The following SAXO1 variants were observed in gnomAD, a reference collection of about 807,000 sequenced individuals.
SAXO1 encodes the protein stabilizer of axonemal microtubules 1, also known as 4930500O09Rik.
Under a neutral mutation model 17.5 loss-of-function variants are expected in SAXO1, and 21 were observed. That is an observed-to-expected ratio of 1.20 (90% CI 0.85 to 1.72). The LOEUF is 1.72. SAXO1 is among the 40% of genes most tolerant of loss of function. The probability of loss-of-function intolerance (pLI) is 0.00; values close to 1 mark genes in which losing one functional copy is unlikely to be tolerated. For missense variants in SAXO1, 843 were observed against 596.0 expected (o/e 1.41, Z -4.32); for synonymous variants, 274 against 216.5 (o/e 1.27, Z -2.33).
At chr9:18,970,674 C>T (rs1832913082) in intron 1 of SAXO1, among the ~76,000 whole-genome samples, 1 of 152,072 alleles carries the variant, frequency 6.6e-6, no homozygotes, top group East Asian at 1.9e-4. Context: ...GCCAAAAGGC[C>T]CAAAGGACTA....
At chr9:18,967,963 C>T (rs571645124) in intron 1 of SAXO1, among the ~76,000 whole-genome samples, 78 of 152,298 alleles carry the variant, frequency 5.1e-4, no homozygotes, top group Admixed American at 1.6e-3. Context: ...CTGTCCTTCA[C>T]GACACAGTCC....
chr9:18,975,596 C>G (rs1020905001), intron 1 of SAXO1, among the ~76,000 whole-genome samples: 3 of 152,136 alleles, frequency 2.0e-5, no homozygotes, highest in Non-Finnish European at 4.4e-5. Flanking sequence ...GTCAATTGAT[C>G]AAAGGATAAA....
chr9:18,981,761 GAATAAAA>G (rs1026450943), intron 1 of SAXO1, among the ~76,000 whole-genome samples: 8 of 152,070 alleles, frequency 5.3e-5, no homozygotes, highest in African/African-American at 1.9e-4. Flanking sequence ...CCTCACAAGT[GAATAAAA>G]AATAAAAAAC....
intron 3 of SAXO1, among the ~76,000 whole-genome samples, chr9:18,931,335 A>G (rs755465661): frequency 1.3e-5 from 2 of 152,182 alleles, no homozygotes; most frequent in Non-Finnish European, 2.9e-5. Context: ...TCCATAATGT[A>G]GCCTGTATCA....
chr9:19,019,815 A>T (rs1199089730), intron 1 of SAXO1, among the ~76,000 whole-genome samples: 2 of 152,150 alleles, frequency 1.3e-5, no homozygotes, highest in South Asian at 4.2e-4. Context: ...TATTGACCCC[A>T]AATCCACTTT....
At chr9:18,987,189 T>C (rs561861740) in intron 1 of SAXO1, among the ~76,000 whole-genome samples, 12 of 152,330 alleles carry the variant, frequency 7.9e-5, no homozygotes, top group Middle Eastern at 3.4e-3. Flanking sequence ...ATGATTTCAT[T>C]GCTATAGAAG....
chr9:19,000,028 T>G (rs1834187966), intron 1 of SAXO1, among the ~76,000 whole-genome samples: 1 of 146,224 alleles, frequency 6.8e-6, no homozygotes, highest in East Asian at 2.1e-4. Flanking sequence ...GTCTGGGAAG[T>G]GAGGAGCGCC....
intron 1 of SAXO1, among the ~76,000 whole-genome samples, chr9:19,016,699 C>G (rs1385605231): frequency 1.3e-5 from 2 of 151,958 alleles, no homozygotes; most frequent in Non-Finnish European, 2.9e-5. Flanking sequence ...AGAAACCCTG[C>G]TCTAACCTAA....
At chr9:18,933,873 T>C (rs35599549) in intron 3 of SAXO1, among the ~76,000 whole-genome samples, 25,835 of 152,028 alleles carry the variant, frequency 0.17, 2,437 homozygotes, top group Middle Eastern at 0.25. Flanking sequence ...GGTGAAACCC[T>C]GTCTCTACTA....
intron 1 of SAXO1, among the ~76,000 whole-genome samples, chr9:19,003,413 C>T (rs1437274671): frequency 6.6e-6 from 1 of 152,042 alleles, no homozygotes; most frequent in African/African-American, 2.4e-5. Flanking sequence ...CATATGGAAC[C>T]AAAAAAGAGC....
intron 1 of SAXO1, among the ~76,000 whole-genome samples, chr9:18,977,983 G>A (rs1252811662): frequency 1.6e-5 from 2 of 124,618 alleles, no homozygotes; most frequent in African/African-American, 6.2e-5. Context: ...GTAAGAGAAT[G>A]AGACCCTGCC....
chr9:19,027,097 C>A (rs1563990438), intron 1 of SAXO1: 1 of 911,482 alleles, frequency 1.1e-6, no homozygotes, highest in Non-Finnish European at 1.8e-6. Flanking sequence ...GTGAACAAAA[C>A]CCTGGTGTAC....
At chr9:19,030,992 G>T (rs1321519920) in intron 1 of SAXO1, among the ~76,000 whole-genome samples, 1 of 152,176 alleles carries the variant, frequency 6.6e-6, no homozygotes, top group Admixed American at 6.5e-5. Context: ...AGAAGAAAAG[G>T]AGAAGAGACA....
chr9:18,985,908 CAAAG>C (rs1279496595), intron 1 of SAXO1, among the ~76,000 whole-genome samples: 1 of 152,148 alleles, frequency 6.6e-6, no homozygotes, highest in African/African-American at 2.4e-5. Flanking sequence ...ATAAATTAAA[CAAAG>C]TTTATTTTCA....
rs913164752 is a variant in SAXO1, at chr9:18,938,834, G to GTGTGTGTA, written c.421+2802_421+2803insTACACACA. On this transcript the variant is annotated intron_variant, in intron 3 of 3. Transcript: ENST00000380534. ...CATGCGTGCGTGCGTGTGTGTGTGTGTGTGTGTGTGTGTGTGTGTATGTGT... is the reference window on the plus strand; with the variant it reads ...CATGCGTGCGTGCGTGTGTGTGTGTGTGTGTGTATGTGTGTGTGTGTGTGTGTATGTGT... 9.1e-4 allele frequency among the ~76,000 whole-genome samples: 137 copies of GTGTGTGTA among 150,272 alleles called. 1 individual carries two copies. The highest frequency in any genetic ancestry group is 4.7e-3 in the East Asian group (24 of 5,126).
At position 19,033,027 on chromosome 9, in the gene SAXO1, T is replaced by C; in HGVS notation, c.-119A>G. 4 of 1,087,700 alleles carry C rather than the reference T, an allele frequency of 3.7e-6. No individual in the cohort carries two copies. Among genetic ancestry groups the C allele is most frequent in the Non-Finnish European group, 5.0e-6 (4 of 794,796 alleles). 67.4% of individuals were successfully genotyped at this position (1,087,700 alleles called of 1,614,324 possible). A position where few individuals can be genotyped will look rare whatever the true frequency, so the allele number is the denominator to read the frequency against. ...CTCGAGGGTCTTGGCAGGTGTTCTG[T>C]TTACTCGAAGGAAAATTTAAGTGGC... On this transcript the variant is annotated 5_prime_UTR_variant, in exon 1 of 4. Transcript: ENST00000380534.
chr9:19,018,050 C>T (rs548320365), intron 1 of SAXO1, among the ~76,000 whole-genome samples: 1 of 152,094 alleles, frequency 6.6e-6, no homozygotes, highest in East Asian at 1.9e-4. Flanking sequence ...CACCTGTAGT[C>T]TCAGCTACCT....
At position 19,038,439 on chromosome 9, in the gene SAXO1, G is replaced by A. The variant is rs541570431; in HGVS notation, c.-158+10770C>T. Among the ~76,000 whole-genome samples, 145 of 151,996 alleles carry A rather than the reference G, an allele frequency of 9.5e-4. 1 individual carries two copies. Among genetic ancestry groups the A allele is most frequent in the Non-Finnish European group, 1.5e-3 (99 of 67,992 alleles). On this transcript the variant is annotated intron_variant, in intron 1 of 3. Coordinates refer to the SAXO1 transcript ENST00000542071. ...ATACTATGCAGCCATAAAAAATGAT[G>A]AGCTCATGTCCTTTGTAGGGACATG... is the stretch of plus-strand genomic sequence containing the variant.
At chr9:18,958,729 G>C (rs938787416) in intron 1 of SAXO1, among the ~76,000 whole-genome samples, 44 of 151,958 alleles carry the variant, frequency 2.9e-4, no homozygotes, top group African/African-American at 1.1e-3. Flanking sequence ...TATCTGTGCA[G>C]GAAGGGAAAG....
Sources: gnomAD v4.1 joint callset for allele counts (sites outside exome capture counted in the v4.1 genomes callset) on GRCh38, gnomAD v4.1.1 for gene constraint, MANE v1.5 for transcripts, NCBI Gene and HGNC (gene_info 2026-07-23, HGNC 2026-07-21) for gene names.